TJP1: variants seen among roughly 807,000 people sequenced by gnomAD.
TJP1 encodes tight junction protein ZO-1.
TJP1 carries 43 observed loss-of-function variants against 194.2 expected under a neutral mutation model. That is an observed-to-expected ratio of 0.22 (90% confidence interval 0.17 to 0.29). The LOEUF (loss-of-function observed/expected upper bound fraction) is 0.29. Ranked by LOEUF, TJP1 falls within the 10% of genes least tolerant of loss-of-function variation. The pLI, the probability that TJP1 is intolerant of heterozygous loss-of-function variation, is 1.00. For missense variants in TJP1, 1,971 were observed against 2,185.7 expected (o/e 0.90, Z 1.96); for synonymous variants, 801 against 779.0 (o/e 1.03, Z -0.47).
intron 10 of TJP1, among the ~76,000 whole-genome samples, chr15:29,738,423 C>A (rs577379709): frequency 6.6e-6 from 1 of 152,240 alleles, no homozygotes; most frequent in Admixed American, 6.5e-5. Context: ...GATTTCTAGT[C>A]TCTTTAAGCC....
rs376881079 is a variant in TJP1, at chr15:29,872,831, C to T, written c.307-72129G>A. On this transcript the variant is annotated intron_variant, in intron 2 of 28. Transcript: ENST00000356107. ...GTCACCAGCAAGAGGTCGTGCGGCA[C>T]GTCCACTCTGAGTGAGTCTCACAGG... is the stretch of plus-strand genomic sequence containing the variant. Among the ~76,000 whole-genome samples the T allele has an allele frequency of 2.6e-5, 4 of 152,202 alleles. No individual in the cohort carries two copies. In the East Asian group the frequency reaches 7.7e-4, roughly 29 times the overall value.
In TJP1 at chr15:29,726,859, G is replaced by C; in HGVS notation, c.2233C>G (p.Pro745Ala). Residue 745 changes from proline (P) to alanine (A), a missense_variant, in exon 17 of 28, where the codon CCA (proline) becomes GCA (alanine). Pro to Ala is a conservative substitution (Grantham distance 27, BLOSUM62 -1). Transcript: ENST00000614355. ...GVKTMRMRLC[P>A]ESRKSARKLY... The stretch of plus-strand genomic sequence containing the variant: ...TTCCTGGCACTTTTCCGAGATTCTG[G>C]ACATAACCTCATTCTCATTGTTTTT... 2.5e-6 allele frequency: 4 copies of C among 1,614,088 alleles called. No homozygotes were observed. Among genetic ancestry groups the C allele is most frequent in the Non-Finnish European group, 3.4e-6 (4 of 1,180,024 alleles).
intron 25 of TJP1, among the ~76,000 whole-genome samples, chr15:29,706,448 G>A (rs2041905837): frequency 6.6e-6 from 1 of 151,976 alleles, no homozygotes; most frequent in African/African-American, 2.4e-5. Flanking sequence ...TTTTTTTTGA[G>A]TGTCAAAATG....
At chr15:29,809,058 T>C (rs973484702) in intron 1 of TJP1, among the ~76,000 whole-genome samples, 1 of 152,168 alleles carries the variant, frequency 6.6e-6, no homozygotes, top group African/African-American at 2.4e-5. Context: ...AAAATATATA[T>C]ATGATACGAA....
intron 10 of TJP1, among the ~76,000 whole-genome samples, chr15:29,740,377 G>A (rs1310623416): frequency 1.3e-5 from 2 of 152,084 alleles, no homozygotes; most frequent in Non-Finnish European, 2.9e-5. Flanking sequence ...TGTAATCCTA[G>A]CACTTTGGGA....
chr15:29,788,005 T>C (rs1008470358), intron 2 of TJP1, among the ~76,000 whole-genome samples: 1 of 152,228 alleles, frequency 6.6e-6, no homozygotes, highest in Non-Finnish European at 1.5e-5. Context: ...ACAGCCATCC[T>C]AGTGGGTGTG....
chr15:29,728,185 CTT>C (rs201486703), intron 15 of TJP1, 166 bp from the exon 16 acceptor site: 70 of 353,658 alleles, frequency 2.0e-4, no homozygotes, highest in South Asian at 6.3e-4. Flanking sequence ...GCATACTTCC[CTT>C]TTTTTTTTTC....
intron 2 of TJP1, among the ~76,000 whole-genome samples, chr15:29,878,539 C>G (rs551891899): frequency 6.6e-6 from 1 of 152,108 alleles, no homozygotes; most frequent in Non-Finnish European, 1.5e-5. Context: ...TTTAGAAACA[C>G]AGCCCATAGT....
chr15:29,740,181 T>C (rs1009725786), intron 10 of TJP1, among the ~76,000 whole-genome samples: 51 of 151,386 alleles, frequency 3.4e-4, no homozygotes, highest in African/African-American at 1.2e-3. Flanking sequence ...TTCACCATGT[T>C]AGCCAGGATG....
chr15:29,841,070 T>C (rs374221926), intron 2 of TJP1, among the ~76,000 whole-genome samples: 44 of 152,234 alleles, frequency 2.9e-4, no homozygotes, highest in African/African-American at 9.9e-4. Flanking sequence ...CTTCTAAAAA[T>C]AGGACACTGG....
chr15:29,762,216 C>A (rs561141870), intron 6 of TJP1, 119 bp downstream of exon 6: 1 of 744,912 alleles, frequency 1.3e-6, no homozygotes. Flanking sequence ...CCCTCTCCCC[C>A]AAACACTGAT....
rs777252634 is a variant in TJP1 at position 29,716,707 on chromosome 15, T to C, written c.4106A>G (p.Asn1369Ser). The change falls in exon 23 of 28, where the codon AAT becomes AGT. Residue 1369 changes from asparagine to serine, a missense_variant. By Grantham distance (46) the Asn-to-Ser change is conservative (BLOSUM62 1). Transcript: ENST00000614355. ...LSYFDRRSFE[N>S]KPPAHIAASH... ...GGCGGCAATGTGTGCAGGAGGCTTA[T>C]TCTCAAAACTTCTTCGGTCAAAGTA... 12 of 1,614,030 alleles carry C rather than the reference T, an allele frequency of 7.4e-6. No individual in the cohort carries two copies. The highest frequency in any genetic ancestry group is 2.7e-5 in the African/African-American group (2 of 74,916).
At chr15:29,707,500 C>A (rs2041970647) in intron 25 of TJP1, among the ~76,000 whole-genome samples, 1 of 152,178 alleles carries the variant, frequency 6.6e-6, no homozygotes, top group Non-Finnish European at 1.5e-5. Context: ...ACCGCCATAA[C>A]CATCCTTTCT....
At chr15:29,948,752 T>C (rs1372521578) in intron 2 of TJP1, among the ~76,000 whole-genome samples, 2 of 152,092 alleles carry the variant, frequency 1.3e-5, no homozygotes, top group African/African-American at 4.8e-5. Flanking sequence ...GCAGAACTTC[T>C]AGTATATAAC....
At chr15:29,756,304 T>C (rs1399491266) in intron 8 of TJP1, among the ~76,000 whole-genome samples, 1 of 152,200 alleles carries the variant, frequency 6.6e-6, no homozygotes, top group Non-Finnish European at 1.5e-5. Context: ...GCAACAAGCA[T>C]CAAGTTATAA....
chr15:29,956,333 C>A (rs1362496547), exon 2 of TJP1: 1 of 1,288,794 alleles, frequency 7.8e-7, no homozygotes, highest in Admixed American at 2.3e-5. Context: ...CTAGAAGTAG[C>A]ACCATTAGGA....
intron 1 of TJP1, among the ~76,000 whole-genome samples, chr15:29,814,337 T>C (rs1212135804): frequency 3.9e-5 from 6 of 152,198 alleles, no homozygotes; most frequent in Admixed American, 3.9e-4. Context: ...AAGTGATCAT[T>C]ACAGCGTATA....
At chr15:29,967,585 T>G (rs776233890) in intron 1 of TJP1, among the ~76,000 whole-genome samples, 7 of 152,236 alleles carry the variant, frequency 4.6e-5, no homozygotes, top group Admixed American at 2.0e-4. Context: ...AACTGAATTC[T>G]GAACTTTGCT....
chr15:29,805,171 T>G (rs1384970142), intron 1 of TJP1, among the ~76,000 whole-genome samples: 1 of 152,210 alleles, frequency 6.6e-6, no homozygotes, highest in Non-Finnish European at 1.5e-5. Context: ...AATCACAATT[T>G]CTGAAGAAGC....
Sources: gnomAD v4.1 joint callset for allele counts (sites outside exome capture counted in the v4.1 genomes callset) on GRCh38, gnomAD v4.1.1 for gene constraint, MANE v1.5 for transcripts, NCBI Gene and HGNC (gene_info 2026-07-23, HGNC 2026-07-21) for gene names.